The following B3GALT1 variants were observed in gnomAD, a reference collection of about 807,000 sequenced individuals.
B3GALT1 encodes the protein UDP-Gal:betaGlcNAc beta 1,3-galactosyltransferase, polypeptide 1.
A neutral mutation model predicts 23.2 loss-of-function variants in B3GALT1; 10 were observed. That is an observed-to-expected ratio of 0.43 (90% confidence interval 0.27 to 0.73). The LOEUF is 0.73. Among genes scored for constraint, B3GALT1 ranks in the 30% least tolerant of loss-of-function variants. B3GALT1 has a pLI of 0.21. For synonymous variants in B3GALT1, 156 were observed against 141.5 expected, an observed-to-expected ratio of 1.10 and a Z score of -0.73; for missense variants, 299 against 405.4, an observed-to-expected ratio of 0.74 and a Z score of 2.25.
intron 2 of B3GALT1, among the ~76,000 whole-genome samples, chr2:167,523,197 G>GT (rs1477124113): frequency 1.3e-5 from 2 of 152,122 alleles, no homozygotes; most frequent in African/African-American, 2.4e-5. Flanking sequence ...CTGATTGTGT[G>GT]TCAGATTTTT....
intron 1 of B3GALT1, among the ~76,000 whole-genome samples, chr2:167,378,742 T>C (rs1023620990): frequency 6.6e-6 from 1 of 152,200 alleles, no homozygotes; most frequent in African/African-American, 2.4e-5. Flanking sequence ...AGTTTCTTTG[T>C]GTTGATTTTC....
At chr2:167,841,944 C>T (rs1689660623) in intron 4 of B3GALT1, among the ~76,000 whole-genome samples, 1 of 152,180 alleles carries the variant, frequency 6.6e-6, no homozygotes, top group Non-Finnish European at 1.5e-5. Flanking sequence ...TTTACTTCAA[C>T]ACTATTACCT....
chr2:167,846,343 G>A (rs975525669), intron 4 of B3GALT1, among the ~76,000 whole-genome samples: 1 of 152,180 alleles, frequency 6.6e-6, no homozygotes, highest in Non-Finnish European at 1.5e-5. Context: ...TAAGAAATGT[G>A]AGACAGAAGC....
chr2:167,848,968 A>G (rs1404966438), intron 4 of B3GALT1, among the ~76,000 whole-genome samples: 1 of 152,188 alleles, frequency 6.6e-6, no homozygotes, highest in Admixed American at 6.5e-5. Context: ...TCAAGAACTC[A>G]ACCCCTTTAC....
At chr2:167,617,916 T>C (rs1404552852) in intron 2 of B3GALT1, among the ~76,000 whole-genome samples, 1 of 152,080 alleles carries the variant, frequency 6.6e-6, no homozygotes, top group Non-Finnish European at 1.5e-5. Flanking sequence ...AGGAATGTTA[T>C]AATGGGCTTC....
intron 3 of B3GALT1, among the ~76,000 whole-genome samples, chr2:167,812,990 A>ACCCCCCCCCCC (rs1480592234): frequency 7.2e-5 from 4 of 55,298 alleles, no homozygotes; most frequent in African/African-American, 2.0e-4. Flanking sequence ...CACCACCACC[A>ACCCCCCCCCCC]CCCCCACCCC....
At chr2:167,604,750 A>C (rs1298895266) in intron 2 of B3GALT1, among the ~76,000 whole-genome samples, 1 of 152,224 alleles carries the variant, frequency 6.6e-6, no homozygotes, top group Non-Finnish European at 1.5e-5. Flanking sequence ...AAGCCTACAC[A>C]GGCAGGAAAT....
intron 3 of B3GALT1, among the ~76,000 whole-genome samples, chr2:167,720,604 A>G (rs929852626): frequency 6.6e-6 from 1 of 152,250 alleles, no homozygotes; most frequent in African/African-American, 2.4e-5. Flanking sequence ...TCCCAGGGAC[A>G]GGACATGTGA....
In B3GALT1 at chr2:167,466,255, G is replaced by A. The variant is rs905708760; in HGVS notation, c.-510-23922G>A. On this transcript the variant is annotated intron_variant, in intron 1 of 4. Coordinates refer to ENST00000392690, the MANE Select transcript of B3GALT1 (RefSeq NM_020981.4). ...TAATATCAAAAGAAACAATACATTTGATAATCAGATTTGGAGCTATTCAGT... is the reference window on the plus strand; with the variant it reads ...TAATATCAAAAGAAACAATACATTTAATAATCAGATTTGGAGCTATTCAGT... Among the ~76,000 whole-genome samples, 8 of 152,110 alleles carry A rather than the reference G, an allele frequency of 5.3e-5. 1 individual carries two copies. The highest frequency in any genetic ancestry group is 5.2e-4 in the Admixed American group (8 of 15,268).
intron 3 of B3GALT1, among the ~76,000 whole-genome samples, chr2:167,748,734 G>C (rs564431498): frequency 1.3e-5 from 2 of 152,188 alleles, no homozygotes; most frequent in Non-Finnish European, 2.9e-5. Context: ...ATTGAACAAT[G>C]AATTTTAGTG....
chr2:167,515,838 C>G (rs1264495927), intron 2 of B3GALT1, among the ~76,000 whole-genome samples: 1 of 151,928 alleles, frequency 6.6e-6, no homozygotes, highest in African/African-American at 2.4e-5. Flanking sequence ...ATTTTTATTA[C>G]AAAGTAACTT....
intron 3 of B3GALT1, among the ~76,000 whole-genome samples, chr2:167,693,415 T>G (rs1686745617): frequency 6.6e-6 from 1 of 152,034 alleles, no homozygotes; most frequent in Non-Finnish European, 1.5e-5. Flanking sequence ...AGGAAAAGAT[T>G]CAGTGAGCTT....
intron 1 of B3GALT1, among the ~76,000 whole-genome samples, chr2:167,405,973 G>T (rs1057047641): frequency 4.6e-5 from 7 of 151,920 alleles, no homozygotes; most frequent in Non-Finnish European, 8.8e-5. Context: ...AGACCAGAGA[G>T]AAATATTAGA....
intron 3 of B3GALT1, among the ~76,000 whole-genome samples, chr2:167,801,624 A>T (rs1222068261): frequency 6.6e-6 from 1 of 152,200 alleles, no homozygotes; most frequent in Non-Finnish European, 1.5e-5. Flanking sequence ...ATGCATTATT[A>T]AAATCTGACT....
At position 167,756,764 on chromosome 2, in the gene B3GALT1, G is replaced by C. The variant is rs539181435; in HGVS notation, c.-351-61908G>C. On this transcript the variant is annotated intron_variant, in intron 3 of 4. Transcript: ENST00000392690. ...AGGAGAAGAATTTCAGAGGCAGAAA[G>C]AGAAAGAAACTATGCGGATGTCCAA... Among the ~76,000 whole-genome samples, 4 of 152,326 alleles carry C rather than the reference G, an allele frequency of 2.6e-5. No homozygotes were observed. The South Asian group carries it at 8.3e-4, about 32-fold the overall frequency.
In B3GALT1 at chr2:167,814,597, T is replaced by TA. The variant is rs796537148; in HGVS notation, c.-351-4064dup. Among the ~76,000 whole-genome samples, 955 of 147,246 alleles carry TA rather than the reference T, an allele frequency of 6.5e-3. 13 individuals are homozygous for TA. The highest frequency in any genetic ancestry group is 0.021 in the African/African-American group (835 of 40,382). On this transcript the variant is annotated intron_variant, in intron 3 of 4. Transcript: ENST00000392690. ...TAACACAGTGAAATCCCGTCTCTAC[T>TA]AAAAAAAAAAATTAGCCAGGCTTGG...
chr2:167,605,982 T>C (rs1214791329), intron 2 of B3GALT1, among the ~76,000 whole-genome samples: 1 of 152,172 alleles, frequency 6.6e-6, no homozygotes, highest in Non-Finnish European at 1.5e-5. Context: ...ATTAGGTCAA[T>C]TGGATGGCTC....
At chr2:167,675,456 C>T (rs1686408957) in intron 3 of B3GALT1, among the ~76,000 whole-genome samples, 1 of 152,100 alleles carries the variant, frequency 6.6e-6, no homozygotes, top group Admixed American at 6.5e-5. Flanking sequence ...ATATAAATGC[C>T]TCGGAGCAGG....
intron 1 of B3GALT1, among the ~76,000 whole-genome samples, chr2:167,358,854 G>A (rs1697457925): frequency 6.6e-6 from 1 of 152,130 alleles, no homozygotes. Context: ...CCAGGCTGGA[G>A]TGCAGTGGCG....
Sources: allele counts gnomAD v4.1 joint callset (sites outside exome capture counted in the v4.1 genomes callset), GRCh38; gene constraint gnomAD v4.1.1; transcripts MANE v1.5; gene names NCBI Gene and HGNC (gene_info 2026-07-23, HGNC 2026-07-21).